TIAM2: variants seen among roughly 807,000 people sequenced by gnomAD.
The protein encoded by TIAM2 is rho guanine nucleotide exchange factor TIAM2.
Under a neutral mutation model 152.9 loss-of-function variants are expected in TIAM2, and 80 were observed. The ratio of observed to expected loss-of-function variants is 0.52; its 90% CI spans 0.44 to 0.63. The LOEUF is 0.63. Ranked by LOEUF, TIAM2 falls within the 30% of genes least tolerant of loss-of-function variation. The pLI, the probability that TIAM2 is intolerant of heterozygous loss-of-function variation, is 0.00. For missense variants in TIAM2, 1,965 were observed against 2,120.1 expected (o/e 0.93, Z 1.44); for synonymous variants, 804 against 838.0 (o/e 0.96, Z 0.70).
At chr6:155,023,887 A>AG in intron 1 of TIAM2, among the ~76,000 whole-genome samples, 1 of 152,302 alleles carries the variant, frequency 6.6e-6, no homozygotes, top group East Asian at 1.9e-4. Context: ...TGCAAGATGA[A>AG]GGGATTGGAG....
intron 2 of TIAM2, among the ~76,000 whole-genome samples, chr6:155,124,074 C>G (rs1002299035): frequency 6.6e-6 from 1 of 152,174 alleles, no homozygotes; most frequent in African/African-American, 2.4e-5. Flanking sequence ...GGCTGGAGTC[C>G]AGTGGCTTGA....
intron 1 of TIAM2, among the ~76,000 whole-genome samples, chr6:155,034,402 C>T (rs1776884386): frequency 6.6e-6 from 1 of 152,052 alleles, no homozygotes; most frequent in Non-Finnish European, 1.5e-5. Context: ...TTATAGCCAC[C>T]CACCACCATG....
Position 155,137,309 on chromosome 6 carries a change from A to T in TIAM2, c.1327A>T (p.Ser443Cys). 6.2e-7 allele frequency: 1 copy of T among 1,614,246 alleles called. No homozygotes were observed. The highest frequency in any genetic ancestry group is 2.2e-5 in the East Asian group (1 of 44,890). ...CTCTACTCAGATCCTGTCTCAGAGA[A>T]GTGAATCCACACATGCGATTGGCAG... ...GGSTQILSQR[S>C]ESTHAIGSDP... The change falls in exon 5 of 27, where the codon AGT becomes TGT. Residue 443 changes from serine (S) to cysteine (C), a missense_variant. Ser to Cys is a moderately radical substitution (Grantham distance 112, BLOSUM62 -1). Transcript: ENST00000682666.
chr6:155,063,869 A>G (rs931359421), intron 1 of TIAM2, among the ~76,000 whole-genome samples: 2 of 152,068 alleles, frequency 1.3e-5, no homozygotes, highest in Non-Finnish European at 2.9e-5. Context: ...AAAAATAAAC[A>G]ATGTGCATGT....
At position 155,164,498 on chromosome 6, in the gene TIAM2, G is replaced by A. The variant is rs753242877; in HGVS notation, c.2112G>A (p.Gly704=). ...MRCYLASLQG[G]ELPNPKSLLA... ...GCTATCTGGCCAGCCTACAAGGTGG[G>A]GAGTTACCGAACCCAAAGAGTCTCC... is the stretch of plus-strand genomic sequence containing the variant. Residue 704 remains glycine (G), a synonymous_variant, in exon 8 of 27, where the codon GGG becomes GGA. Transcript: ENST00000682666. 1.2e-6 allele frequency: 2 copies of A among 1,614,116 alleles called. No homozygotes were observed. Among genetic ancestry groups the A allele is most frequent in the South Asian group, 2.2e-5 (2 of 91,070 alleles).
chr6:155,063,298 A>G (rs1387675471), intron 1 of TIAM2, among the ~76,000 whole-genome samples: 4 of 152,206 alleles, frequency 2.6e-5, no homozygotes, highest in Admixed American at 6.5e-5. Flanking sequence ...GTGTTTTAGC[A>G]GTTGATCATA....
chr6:155,020,919 AC>A (rs1776466130), intron 1 of TIAM2, among the ~76,000 whole-genome samples: 1 of 152,028 alleles, frequency 6.6e-6, no homozygotes, highest in African/African-American at 2.4e-5. Context: ...CCTGGCAACC[AC>A]CTTCCTGTCT....
Position 155,237,944 on chromosome 6 carries a change from T to G in TIAM2, c.3169-2586T>G, listed in dbSNP as rs190423864. On this transcript the variant is annotated intron_variant, in intron 15 of 26. Coordinates refer to ENST00000682666, the MANE Select transcript of TIAM2 (RefSeq NM_012454.4). The stretch of plus-strand genomic sequence containing the variant: ...GATTAACATTCAGTCCCTCTTTACT[T>G]ATGCAAATGTCTGCAGCCAGCTTAG... Among the ~76,000 whole-genome samples, 464 of 152,374 alleles carry G rather than the reference T, an allele frequency of 3.0e-3. 1 individual carries two copies. The highest frequency in any genetic ancestry group is 0.011 in the African/African-American group (438 of 41,592).
At chr6:155,124,923 T>G (rs1779257373) in intron 2 of TIAM2, among the ~76,000 whole-genome samples, 1 of 152,006 alleles carries the variant, frequency 6.6e-6, no homozygotes, top group Non-Finnish European at 1.5e-5. Flanking sequence ...GAGATTTGTC[T>G]TTGTCTTTGT....
At position 155,015,795 on chromosome 6, in the gene TIAM2, G is replaced by C. The variant is rs146642340; in HGVS notation, c.-209+20303G>C. ...CTACTAAAAATACAAGAATTAGCTG[G>C]GCATGGTGGTGGGCACCTGTAGTTG... On this transcript the variant is annotated intron_variant, in intron 1 of 26. Coordinates refer to ENST00000682666, the MANE Select transcript of TIAM2 (RefSeq NM_012454.4). Among the ~76,000 whole-genome samples the C allele has an allele frequency of 3.3e-5, 5 of 151,878 alleles. No homozygotes were observed. In the East Asian group the frequency reaches 9.7e-4, roughly 29 times the overall value.
chr6:155,227,316 CT>C (rs775577411), intron 15 of TIAM2, among the ~76,000 whole-genome samples: 3 of 152,212 alleles, frequency 2.0e-5, no homozygotes, highest in Non-Finnish European at 4.4e-5. Context: ...TCTGCGGAGA[CT>C]TAGCCCATGG....
At chr6:155,002,867 T>TA (rs1778336356) in intron 1 of TIAM2, among the ~76,000 whole-genome samples, 1 of 151,466 alleles carries the variant, frequency 6.6e-6, no homozygotes, top group African/African-American at 2.4e-5. Context: ...GTGTGTGTTT[T>TA]TTTTTTAGTA....
intron 14 of TIAM2, among the ~76,000 whole-genome samples, chr6:155,202,626 A>G (rs1034147229): frequency 4.1e-5 from 6 of 145,126 alleles, no homozygotes; most frequent in African/African-American, 1.5e-4. Context: ...GAGTCTTTCC[A>G]TGTTGCCCAG....
At chr6:155,010,324 T>A (rs1778465255) in intron 1 of TIAM2, among the ~76,000 whole-genome samples, 1 of 152,252 alleles carries the variant, frequency 6.6e-6, no homozygotes, top group African/African-American at 2.4e-5. Context: ...AGCTCATTTC[T>A]AGTAGAACTG....
intron 15 of TIAM2, among the ~76,000 whole-genome samples, chr6:155,230,070 C>A (rs749672736): frequency 2.6e-5 from 4 of 151,766 alleles, no homozygotes; most frequent in Non-Finnish European, 4.4e-5. Context: ...CCAGGTGACA[C>A]CTGTACCACC....
chr6:155,113,246 G>T (rs987460628), intron 2 of TIAM2, among the ~76,000 whole-genome samples: 4 of 151,884 alleles, frequency 2.6e-5, no homozygotes, highest in African/African-American at 9.7e-5. Flanking sequence ...CCCTGCCCAC[G>T]GTGCCCTTTC....
intron 15 of TIAM2, among the ~76,000 whole-genome samples, chr6:155,222,469 C>G (rs1490481573): frequency 6.6e-6 from 1 of 151,874 alleles, no homozygotes; most frequent in African/African-American, 2.4e-5. Context: ...GGCATTGTGG[C>G]TCGTTCCTGT....
At chr6:155,235,973 TA>T in intron 15 of TIAM2, among the ~76,000 whole-genome samples, 1 of 152,310 alleles carries the variant, frequency 6.6e-6, no homozygotes, top group African/African-American at 2.4e-5. Flanking sequence ...GATCTTATTT[TA>T]TACAGTATAT....
chr6:155,250,758 C>A, intron 21 of TIAM2, 155 bp from the exon 22 acceptor site: 3 of 1,130,688 alleles, frequency 2.7e-6, no homozygotes, highest in Non-Finnish European at 2.5e-6. Flanking sequence ...TTTTCAAAAG[C>A]TCCACCGTTT....
Sources: gnomAD v4.1 joint callset for allele counts (sites outside exome capture counted in the v4.1 genomes callset) on GRCh38, gnomAD v4.1.1 for gene constraint, MANE v1.5 for transcripts, NCBI Gene and HGNC (gene_info 2026-07-23, HGNC 2026-07-21) for gene names.